SDK1: variants seen among roughly 807,000 people sequenced by gnomAD.
SDK1 encodes the protein protein sidekick-1.
Under a neutral mutation model 245.5 loss-of-function variants are expected in SDK1, and 157 were observed. The ratio of observed to expected loss-of-function variants is 0.64; its 90% CI spans 0.56 to 0.73. The LOEUF (loss-of-function observed/expected upper bound fraction) is 0.73, where lower values mean the gene tolerates loss of function less well. Ranked by LOEUF, SDK1 falls within the 30% of genes least tolerant of loss-of-function variation. The pLI is 0.00. For synonymous variants in SDK1, 1,647 were observed against 1,278.5 expected, an observed-to-expected ratio of 1.29 and a Z score of -6.15; for missense variants, 3,583 against 3,002.3, an observed-to-expected ratio of 1.19 and a Z score of -4.52.
intron 13 of SDK1, among the ~76,000 whole-genome samples, chr7:3,985,013 G>A (rs989979109): frequency 6.6e-6 from 1 of 152,164 alleles, no homozygotes; most frequent in African/African-American, 2.4e-5. Flanking sequence ...CTGCATGGTT[G>A]AACCTAGTCC....
At chr7:3,392,471 G>C (rs1781783360) in intron 1 of SDK1, among the ~76,000 whole-genome samples, 2 of 151,802 alleles carry the variant, frequency 1.3e-5, no homozygotes, top group South Asian at 4.2e-4. Flanking sequence ...ATATAGCATA[G>C]AATTTGTCAT....
At chr7:4,062,790 G>A (rs966120896) in intron 19 of SDK1, among the ~76,000 whole-genome samples, 2 of 152,164 alleles carry the variant, frequency 1.3e-5, no homozygotes, top group African/African-American at 2.4e-5. Context: ...GGGATGCAAG[G>A]ATGGTTCAAC....
In SDK1 at chr7:3,531,586, C is replaced by T. The variant is rs528538011; in HGVS notation, c.299-87494C>T. On this transcript the variant is annotated intron_variant, in intron 1 of 44. Coordinates refer to ENST00000404826, the MANE Select transcript of SDK1 (RefSeq NM_152744.4). ...TTTGTGCCACTACCTAAGTATGTCT[C>T]AGATAGTCAAAAATAAGTGATACAA... Among the ~76,000 whole-genome samples the T allele has an allele frequency of 1.4e-3, 207 of 152,200 alleles. 1 individual carries two copies. The highest frequency in any genetic ancestry group is 4.9e-3 in the African/African-American group (202 of 41,534).
At chr7:3,824,561 G>A (rs986192068) in intron 5 of SDK1, among the ~76,000 whole-genome samples, 1 of 152,158 alleles carries the variant, frequency 6.6e-6, no homozygotes, top group Non-Finnish European at 1.5e-5. Flanking sequence ...CTTGAGGACA[G>A]CACCGTGTTA....
At chr7:4,083,556 C>CCCTT (rs1402049336) in intron 22 of SDK1, among the ~76,000 whole-genome samples, 2 of 108,134 alleles carry the variant, frequency 1.8e-5, no homozygotes, top group Non-Finnish European at 3.6e-5. Flanking sequence ...CTCCCTCCCT[C>CCCTT]CCTTCCTTCC....
chr7:3,610,959 A>G (rs1220877535), intron 1 of SDK1, among the ~76,000 whole-genome samples: 1 of 152,176 alleles, frequency 6.6e-6, no homozygotes, highest in Non-Finnish European at 1.5e-5. Context: ...CAAAATGATG[A>G]CTTTGTGGTG....
intron 4 of SDK1, among the ~76,000 whole-genome samples, chr7:3,786,817 G>A (rs372828054): frequency 2.0e-4 from 31 of 152,020 alleles, no homozygotes; most frequent in East Asian, 9.7e-4. Flanking sequence ...AATACACCTC[G>A]GTAGTACTAC....
rs1003389159 is a variant in SDK1 at position 3,910,975 on chromosome 7, G to A, written c.848-39948G>A. Among the ~76,000 whole-genome samples, 9 of 152,088 alleles carry A rather than the reference G, an allele frequency of 5.9e-5. No individual in the cohort carries two copies. In the South Asian group the frequency reaches 6.2e-4, roughly 11 times the overall value. On this transcript the variant is annotated intron_variant, in intron 5 of 44. Transcript: ENST00000404826. ...GCTCAGGCGTGCTGCTCTGTCTCCC[G>A]CTGCCTGCTCTTCTGGGCATTCCGC...
At chr7:4,262,108 CAACCTCAAGAATCCCTTG>C (rs1317096616) in intron 44 of SDK1, among the ~76,000 whole-genome samples, 1 of 131,698 alleles carries the variant, frequency 7.6e-6, no homozygotes, top group Non-Finnish European at 1.6e-5. Flanking sequence ...CGGCTCACTG[CAACCTCAAGAATCCCTTG>C]AACCCGGGTT....
chr7:3,627,012 C>A (rs1165010133), intron 2 of SDK1, among the ~76,000 whole-genome samples: 1 of 151,962 alleles, frequency 6.6e-6, no homozygotes, highest in Non-Finnish European at 1.5e-5. Context: ...ATTGCAGCCT[C>A]GACCTCCCGG....
chr7:3,812,587 C>T (rs1257908684), intron 4 of SDK1, among the ~76,000 whole-genome samples: 1 of 152,196 alleles, frequency 6.6e-6, no homozygotes, highest in African/African-American at 2.4e-5. Flanking sequence ...AGGATGCCCG[C>T]GTAGACTAAC....
In SDK1 at chr7:3,402,691, C is replaced by G. The variant is rs191108565; in HGVS notation, c.298+100807C>G. Among the ~76,000 whole-genome samples the G allele has an allele frequency of 2.5e-3, 376 of 152,114 alleles. 4 individuals are homozygous for G. Among genetic ancestry groups the G allele is most frequent in the African/African-American group, 8.7e-3 (360 of 41,512 alleles). ...TTTAAATCAAAAAGTTGTTTTTCTT[C>G]TTGATTGCAGTTTTCCCTTAGTTAT... On this transcript the variant is annotated intron_variant, in intron 1 of 44. Transcript: ENST00000404826.
intron 5 of SDK1, among the ~76,000 whole-genome samples, chr7:3,891,641 C>T (rs980046013): frequency 6.6e-6 from 1 of 152,208 alleles, no homozygotes; most frequent in African/African-American, 2.4e-5. Context: ...GCACATCATG[C>T]TTCCAACAGG....
In SDK1 at chr7:3,301,692, G is replaced by A. The variant is rs866989461; in HGVS notation, c.106G>A (p.Ala36Thr). The A allele has an allele frequency of 2.1e-6, 2 of 974,260 alleles. No homozygotes were observed. Among genetic ancestry groups the A allele is most frequent in the Non-Finnish European group, 2.4e-6 (2 of 823,958 alleles). 60.4% of individuals were successfully genotyped at this position (974,260 alleles called of 1,614,324 possible). A position where few individuals can be genotyped will look rare whatever the true frequency, so the allele number is the denominator to read the frequency against. Reference sequence around the variant, plus strand: ...GCCGCGGGGATCCCCGCCCGGCCGCGCCCGCCCCTCGCTGGCGCCGCGCCC... The same window carrying A: ...GCCGCGGGGATCCCCGCCCGGCCGCACCCGCCCCTCGCTGGCGCCGCGCCC... ...GRPRGSPPGR[A>T]RPSLAPRPGP... Residue 36 changes from alanine to threonine, a missense_variant, in exon 1 of 45, where the codon GCC becomes ACC. Transcript: ENST00000404826.
chr7:4,265,208 T>C lies in SDK1; in HGVS notation c.6466T>C (p.Trp2156Arg), dbSNP rs1290132347. Reference sequence around the variant, plus strand: ...GAGCGACCCCACCTACTACAACTCATGGAAGCGCAGGGCCCAGGGCCGCGC... The same window carrying C: ...GAGCGACCCCACCTACTACAACTCACGGAAGCGCAGGGCCCAGGGCCGCGC... ...YMSDPTYYNS[W>R]KRRAQGRAPA... is the part of the protein sequence containing the mutation. Residue 2156 changes from tryptophan to arginine, a missense_variant, in exon 45 of 45, where the codon TGG becomes CGG. Coordinates refer to ENST00000404826, the MANE Select transcript of SDK1 (RefSeq NM_152744.4). 6.2e-7 allele frequency: 1 copy of C among 1,611,192 alleles called. No homozygotes were observed. The highest frequency in any genetic ancestry group is 8.5e-7 in the Non-Finnish European group (1 of 1,179,578).
intron 4 of SDK1, among the ~76,000 whole-genome samples, chr7:3,743,399 C>A (rs988233034): frequency 2.0e-5 from 3 of 152,154 alleles, no homozygotes; most frequent in Non-Finnish European, 2.9e-5. Flanking sequence ...TCACAACTCT[C>A]TTACCTCTTT....
intron 1 of SDK1, among the ~76,000 whole-genome samples, chr7:3,316,721 G>A (rs571524899): frequency 6.6e-6 from 1 of 152,240 alleles, no homozygotes; most frequent in Non-Finnish European, 1.5e-5. Context: ...TTTTTATGGA[G>A]CTCTACAAAT....
intron 1 of SDK1, among the ~76,000 whole-genome samples, chr7:3,608,971 G>A (rs1236819247): frequency 6.6e-6 from 1 of 152,134 alleles, no homozygotes; most frequent in African/African-American, 2.4e-5. Context: ...GAGACTAAAT[G>A]CAGAAGCAGG....
At chr7:3,426,702 T>G (rs1779688218) in intron 1 of SDK1, among the ~76,000 whole-genome samples, 1 of 152,276 alleles carries the variant, frequency 6.6e-6, no homozygotes, top group Non-Finnish European at 1.5e-5. Context: ...TTATCTTCTC[T>G]GCCCTCATGG....
Sources: allele counts gnomAD v4.1 joint callset (sites outside exome capture counted in the v4.1 genomes callset), GRCh38; gene constraint gnomAD v4.1.1; transcripts MANE v1.5; gene names NCBI Gene and HGNC (gene_info 2026-07-23, HGNC 2026-07-21).